Variants in VWC2L observed in about 807,000 individuals in gnomAD.
VWC2L encodes the protein von Willebrand factor C domain-containing protein 2-like.
Under a neutral mutation model 21.6 loss-of-function variants are expected in VWC2L, and 10 were observed. The observed-to-expected ratio is 0.46, with a 90% CI of 0.29 to 0.78. VWC2L has a LOEUF of 0.78. Among genes scored for constraint, VWC2L ranks in the 30% least tolerant of loss-of-function variants. The probability of loss-of-function intolerance (pLI) is 0.10; values close to 1 mark genes in which losing one functional copy is unlikely to be tolerated. For missense variants in VWC2L, 209 were observed against 277.1 expected (o/e 0.75, Z 1.74); for synonymous variants, 96 against 94.3 (o/e 1.02, Z -0.10).
intron 3 of VWC2L, among the ~76,000 whole-genome samples, chr2:214,527,820 G>C (rs1348676695): frequency 1.3e-5 from 2 of 152,054 alleles, no homozygotes; most frequent in Non-Finnish European, 2.9e-5. Context: ...ACACCAAATT[G>C]TTCTCCATAG....
At chr2:214,504,975 A>G (rs1688947491) in intron 3 of VWC2L, among the ~76,000 whole-genome samples, 1 of 152,240 alleles carries the variant, frequency 6.6e-6, no homozygotes, top group African/African-American at 2.4e-5. Context: ...ACTGGCCTGA[A>G]CACTTAAAGA....
intron 3 of VWC2L, among the ~76,000 whole-genome samples, chr2:214,526,254 G>T (rs1181216092): frequency 1.3e-5 from 2 of 151,714 alleles, no homozygotes; most frequent in Non-Finnish European, 2.9e-5. Context: ...TACATATTTA[G>T]AGGAAAAAAA....
chr2:214,451,756 T>G (rs990569131), intron 3 of VWC2L, among the ~76,000 whole-genome samples: 4 of 152,226 alleles, frequency 2.6e-5, no homozygotes, highest in African/African-American at 9.6e-5. Flanking sequence ...TACTGATGTA[T>G]TATAAAGAAG....
At chr2:214,475,705 T>G (rs1471084185) in intron 3 of VWC2L, among the ~76,000 whole-genome samples, 1 of 151,832 alleles carries the variant, frequency 6.6e-6, no homozygotes, top group African/African-American at 2.4e-5. Context: ...ACCGGAAATC[T>G]GATTTTTAAG....
intron 3 of VWC2L, among the ~76,000 whole-genome samples, chr2:214,487,005 C>A (rs1688681331): frequency 6.6e-6 from 1 of 152,156 alleles, no homozygotes; most frequent in African/African-American, 2.4e-5. Flanking sequence ...AAGTCATTAG[C>A]ATGGACCCTC....
intron 3 of VWC2L, among the ~76,000 whole-genome samples, chr2:214,534,596 T>C (rs1298737838): frequency 6.6e-6 from 1 of 152,064 alleles, no homozygotes; most frequent in Non-Finnish European, 1.5e-5. Flanking sequence ...CCTGGAGTTG[T>C]GCAATGTAAA....
At chr2:214,465,128 C>T (rs1703197568) in intron 3 of VWC2L, among the ~76,000 whole-genome samples, 1 of 152,138 alleles carries the variant, frequency 6.6e-6, no homozygotes. Context: ...TGGGGTCCCA[C>T]TGGCCAAGAT....
At chr2:214,484,814 T>C (rs1214578935) in intron 3 of VWC2L, among the ~76,000 whole-genome samples, 1 of 152,212 alleles carries the variant, frequency 6.6e-6, no homozygotes, top group African/African-American at 2.4e-5. Flanking sequence ...ATTTGGCCTT[T>C]GCAAGCTAAA....
At chr2:214,506,334 A>G (rs1688967577) in intron 3 of VWC2L, among the ~76,000 whole-genome samples, 1 of 152,218 alleles carries the variant, frequency 6.6e-6, no homozygotes, top group Non-Finnish European at 1.5e-5. Context: ...GACAGCAACA[A>G]TCACACATGA....
intron 3 of VWC2L, among the ~76,000 whole-genome samples, chr2:214,454,895 C>A (rs2126186290): frequency 6.6e-6 from 1 of 152,220 alleles, no homozygotes. Flanking sequence ...AGCCACCGTA[C>A]CCGGGCTAAG....
intron 3 of VWC2L, among the ~76,000 whole-genome samples, chr2:214,443,552 A>T (rs559091944): frequency 6.6e-6 from 1 of 152,150 alleles, no homozygotes; most frequent in South Asian, 2.1e-4. Context: ...CGTTAGTATA[A>T]TTTGCCTTGT....
intron 3 of VWC2L, among the ~76,000 whole-genome samples, chr2:214,574,597 T>G (rs1690200213): frequency 6.6e-6 from 1 of 152,108 alleles, no homozygotes; most frequent in Non-Finnish European, 1.5e-5. Context: ...GTGGTTATGG[T>G]GAGTGGCCAA....
intron 3 of VWC2L, among the ~76,000 whole-genome samples, chr2:214,475,414 CTT>C (rs1012880573): frequency 2.0e-5 from 3 of 151,882 alleles, no homozygotes; most frequent in Admixed American, 6.6e-5. Flanking sequence ...GAAATGTGCT[CTT>C]GTCATTTATT....
chr2:214,444,207 C>T (rs1179144775), intron 3 of VWC2L, among the ~76,000 whole-genome samples: 1 of 151,948 alleles, frequency 6.6e-6, no homozygotes, highest in African/African-American at 2.4e-5. Context: ...GTAGAACAAA[C>T]TGTGCTGGGA....
intron 3 of VWC2L, among the ~76,000 whole-genome samples, chr2:214,574,619 T>C (rs1377289760): frequency 1.3e-5 from 2 of 152,160 alleles, no homozygotes; most frequent in African/African-American, 4.8e-5. Flanking sequence ...AATGCCAGGT[T>C]AATAAATCAC....
chr2:214,488,166 G>A lies in VWC2L; in HGVS notation c.520+51408G>A, dbSNP rs775626526. 7.2e-5 allele frequency among the ~76,000 whole-genome samples: 11 copies of A among 152,166 alleles called. 1 individual carries two copies. Among genetic ancestry groups the A allele is most frequent in the East Asian group, 1.9e-4 (1 of 5,172 alleles). ...GATTCTGCTTACCCCAGCTTCTACC[G>A]CTTCATGGCCTTTGTTCATCAATGT... On this transcript the variant is annotated intron_variant, in intron 3 of 3. Coordinates refer to ENST00000312504, the MANE Select transcript of VWC2L (RefSeq NM_001080500.4).
intron 3 of VWC2L, among the ~76,000 whole-genome samples, chr2:214,474,538 T>TA (rs1674477921): frequency 6.6e-6 from 1 of 152,280 alleles, no homozygotes; most frequent in Admixed American, 6.5e-5. Context: ...GAAAAATACT[T>TA]ACTATTATTG....
intron 3 of VWC2L, among the ~76,000 whole-genome samples, chr2:214,548,399 C>T (rs1395896895): frequency 6.6e-6 from 1 of 152,176 alleles, no homozygotes; most frequent in Non-Finnish European, 1.5e-5. Context: ...CTTTTGATTT[C>T]TGAATATAAA....
At chr2:214,413,732 C>T (rs949438907) in intron 1 of VWC2L, among the ~76,000 whole-genome samples, 2 of 152,124 alleles carry the variant, frequency 1.3e-5, no homozygotes, top group Non-Finnish European at 2.9e-5. Flanking sequence ...CCATCACTGA[C>T]TAGTCCAGTT....
Sources: allele counts gnomAD v4.1 joint callset (sites outside exome capture counted in the v4.1 genomes callset), GRCh38; gene constraint gnomAD v4.1.1; transcripts MANE v1.5; gene names NCBI Gene and HGNC (gene_info 2026-07-23, HGNC 2026-07-21).